The following LRRC7 variants were observed in gnomAD, a reference collection of about 807,000 sequenced individuals.
LRRC7 encodes the protein leucine rich repeat containing 7.
LRRC7 carries 23 observed loss-of-function variants against 175.7 expected under a neutral mutation model. The ratio of observed to expected loss-of-function variants is 0.13; its 90% CI spans 0.09 to 0.19. LRRC7 has a LOEUF of 0.19. Among genes scored for constraint, LRRC7 ranks in the 10% least tolerant of loss-of-function variants. The probability of loss-of-function intolerance (pLI) is 1.00; values close to 1 mark genes in which losing one functional copy is unlikely to be tolerated. For missense variants in LRRC7, 1,354 were observed against 1,904.7 expected (o/e 0.71, Z 5.38); for synonymous variants, 685 against 680.9 (o/e 1.01, Z -0.09).
At chr1:69,996,798 G>A (rs987744378) in intron 11 of LRRC7, among the ~76,000 whole-genome samples, 1 of 151,598 alleles carries the variant, frequency 6.6e-6, no homozygotes, top group Non-Finnish European at 1.5e-5. Context: ...TTTGGTTACT[G>A]TAGCCTTGTA....
chr1:69,955,379 G>C (rs780221200), intron 8 of LRRC7, among the ~76,000 whole-genome samples: 1 of 151,856 alleles, frequency 6.6e-6, no homozygotes, highest in African/African-American at 2.4e-5. Context: ...GAAATCTAAA[G>C]AACAAGTGGA....
At chr1:70,026,384 A>G (rs1658101724) in intron 17 of LRRC7, among the ~76,000 whole-genome samples, 1 of 152,136 alleles carries the variant, frequency 6.6e-6, no homozygotes, top group Admixed American at 6.6e-5. Flanking sequence ...GATGTCAAGT[A>G]CTTTTAAACA....
chr1:69,680,360 A>G lies in LRRC7; in HGVS notation c.100+1882A>G, dbSNP rs138916506. Among the ~76,000 whole-genome samples the G allele has an allele frequency of 7.2e-5, 11 of 152,230 alleles. No homozygotes were observed. In the East Asian group the frequency reaches 2.1e-3, roughly 29 times the overall value. On this transcript the variant is annotated intron_variant, in intron 2 of 26. Coordinates refer to ENST00000651989, the MANE Select transcript of LRRC7 (RefSeq NM_001370785.2). ...TAATCATTGGTATAGTTCATAATCA[A>G]GTTTTATTGTTCTCTAATATAAAGT...
At chr1:69,787,330 G>C (rs1674561120) in intron 3 of LRRC7, among the ~76,000 whole-genome samples, 1 of 152,158 alleles carries the variant, frequency 6.6e-6, no homozygotes, top group African/African-American at 2.4e-5. Context: ...TACCATTCTG[G>C]GGTCTGGGGG....
At chr1:70,116,357 T>C (rs1665848647) in intron 26 of LRRC7, among the ~76,000 whole-genome samples, 1 of 152,010 alleles carries the variant, frequency 6.6e-6, no homozygotes, top group South Asian at 2.1e-4. Flanking sequence ...ACCATCCTGG[T>C]TAACACGGTG....
chr1:69,876,644 G>A (rs1466511348), intron 7 of LRRC7, among the ~76,000 whole-genome samples: 1 of 152,156 alleles, frequency 6.6e-6, no homozygotes, highest in Non-Finnish European at 1.5e-5. Flanking sequence ...GATTTCAGCT[G>A]TATTTTACAT....
At chr1:69,725,693 G>A (rs1355071456) in intron 2 of LRRC7, among the ~76,000 whole-genome samples, 4 of 152,190 alleles carry the variant, frequency 2.6e-5, no homozygotes, top group African/African-American at 7.2e-5. Flanking sequence ...ACACAGGAAA[G>A]AGAGATTGGA....
intron 17 of LRRC7, among the ~76,000 whole-genome samples, chr1:70,025,279 A>C (rs1056777479): frequency 6.6e-6 from 1 of 150,564 alleles, no homozygotes; most frequent in Non-Finnish European, 1.5e-5. Flanking sequence ...ATATTAATTT[A>C]TATTTAAACC....
At chr1:69,686,937 TG>T (rs1661222891) in intron 2 of LRRC7, among the ~76,000 whole-genome samples, 1 of 152,112 alleles carries the variant, frequency 6.6e-6, no homozygotes, top group Non-Finnish European at 1.5e-5. Flanking sequence ...ATTATTTAAA[TG>T]AAAGCTAGAG....
chr1:69,614,938 A>G (rs1422661418), intron 1 of LRRC7, among the ~76,000 whole-genome samples: 1 of 152,092 alleles, frequency 6.6e-6, no homozygotes, highest in Non-Finnish European at 1.5e-5. Context: ...TAACAGGATA[A>G]AACTAGCTGA....
At chr1:69,662,681 T>C (rs1657654292) in intron 1 of LRRC7, among the ~76,000 whole-genome samples, 2 of 152,242 alleles carry the variant, frequency 1.3e-5, no homozygotes, top group Non-Finnish European at 2.9e-5. Flanking sequence ...AACTATCAAC[T>C]CAACATAGTT....
intron 2 of LRRC7, among the ~76,000 whole-genome samples, chr1:69,697,046 C>T (rs997868838): frequency 2.0e-5 from 3 of 152,220 alleles, no homozygotes; most frequent in Middle Eastern, 3.4e-3. Flanking sequence ...TATCCTTTTG[C>T]TCTTAATATT....
chr1:69,819,781 T>G (rs1380605901), intron 4 of LRRC7, among the ~76,000 whole-genome samples: 3 of 152,158 alleles, frequency 2.0e-5, no homozygotes, highest in African/African-American at 7.2e-5. Context: ...GAATTGACAC[T>G]TTTATCATTA....
chr1:70,132,086 A>G lies in LRRC7; in HGVS notation c.*10199A>G, dbSNP rs1215890441. ...GACTGATACAGAGAATCAGAGAGGA[A>G]CTGGATAAAAGAAATCAGATTCAGG... On this transcript the variant is annotated 3_prime_UTR_variant, in exon 27 of 27. Coordinates refer to ENST00000651989, the MANE Select transcript of LRRC7 (RefSeq NM_001370785.2). 6.6e-6 allele frequency: 1 copy of G among 152,174 alleles called. No individual in the cohort carries two copies. Among genetic ancestry groups the G allele is most frequent in the Non-Finnish European group, 1.5e-5 (1 of 68,034 alleles). 9.4% of individuals were successfully genotyped at this position (152,174 alleles called of 1,614,324 possible).
At chr1:70,034,909 T>G (rs887749211) in intron 18 of LRRC7, among the ~76,000 whole-genome samples, 3 of 152,228 alleles carry the variant, frequency 2.0e-5, no homozygotes, top group Admixed American at 2.0e-4. Context: ...CAAGATGTGC[T>G]TCTCTGCAAT....
intron 23 of LRRC7, among the ~76,000 whole-genome samples, chr1:70,070,291 G>A (rs1469073904): frequency 3.9e-5 from 6 of 152,026 alleles, no homozygotes; most frequent in African/African-American, 1.4e-4. Flanking sequence ...TACAATGCCC[G>A]GGATCTTTGC....
chr1:70,116,504 G>A (rs183232782), intron 26 of LRRC7, among the ~76,000 whole-genome samples: 4 of 143,236 alleles, frequency 2.8e-5, no homozygotes, highest in African/African-American at 5.3e-5. Flanking sequence ...CCAAGATCGC[G>A]CCACTGCACT....
chr1:70,140,986 G>C lies in LRRC7; in HGVS notation c.*19099G>C, dbSNP rs978405229. Among the ~76,000 whole-genome samples, 1 of 152,086 alleles carries C rather than the reference G, an allele frequency of 6.6e-6. No homozygotes were observed. The highest frequency in any genetic ancestry group is 6.6e-5 in the Admixed American group (1 of 15,262). On this transcript the variant is annotated 3_prime_UTR_variant, in exon 27 of 27. Coordinates refer to ENST00000651989, the MANE Select transcript of LRRC7 (RefSeq NM_001370785.2). ...AACTGAGGTGTAGCCCAGGGAATAA[G>C]TATGTCCTGAATTGAGCCTTAAATC...
chr1:69,866,348 G>C (rs1684947330), intron 7 of LRRC7, among the ~76,000 whole-genome samples: 1 of 152,172 alleles, frequency 6.6e-6, no homozygotes, highest in African/African-American at 2.4e-5. Context: ...AAGAGGACTA[G>C]GGTCTGCAAG....
Sources: gnomAD v4.1 joint callset for allele counts (sites outside exome capture counted in the v4.1 genomes callset) on GRCh38, gnomAD v4.1.1 for gene constraint, MANE v1.5 for transcripts, NCBI Gene and HGNC (gene_info 2026-07-23, HGNC 2026-07-21) for gene names.